The following RARB variants were observed in gnomAD, a reference collection of about 807,000 sequenced individuals.
The protein encoded by RARB is HBV-activated protein.
In RARB, 17 loss-of-function variants were observed where a neutral mutation model predicts 51.9. That is an observed-to-expected ratio of 0.33 (90% CI 0.22 to 0.49). The LOEUF is 0.49. Among genes scored for constraint, RARB ranks in the 20% least tolerant of loss-of-function variants. The pLI, the probability that RARB is intolerant of heterozygous loss-of-function variation, is 0.99. For missense variants in RARB, 369 were observed against 550.8 expected, an observed-to-expected ratio of 0.67 and a Z score of 3.30; for synonymous variants, 215 against 195.4, an observed-to-expected ratio of 1.10 and a Z score of -0.84.
chr3:25,091,953 G>T (rs1699206812), intron 3 of RARB, among the ~76,000 whole-genome samples: 1 of 152,144 alleles, frequency 6.6e-6, no homozygotes, highest in South Asian at 2.1e-4. Context: ...TCTGAGGGAT[G>T]GTGTCGGGGT....
chr3:25,559,358 A>G (rs1575518963), intron 3 of RARB, among the ~76,000 whole-genome samples: 1 of 152,240 alleles, frequency 6.6e-6, no homozygotes, highest in East Asian at 1.9e-4. Context: ...TTTTTTCCCT[A>G]TGGCCCCACA....
At chr3:25,489,473 C>T (rs1427782318) in intron 2 of RARB, among the ~76,000 whole-genome samples, 1 of 152,142 alleles carries the variant, frequency 6.6e-6, no homozygotes, top group African/African-American at 2.4e-5. Context: ...CCTTTTCCTT[C>T]TACATGGAAT....
intron 2 of RARB, among the ~76,000 whole-genome samples, chr3:25,487,326 G>C (rs1481991205): frequency 1.3e-5 from 2 of 152,148 alleles, no homozygotes; most frequent in Non-Finnish European, 2.9e-5. Context: ...GTGCGATGTG[G>C]TTTCACCTAC....
rs1434784987 is a variant in RARB at position 25,185,591 on chromosome 3, A to G, written c.178+11016A>G. Among the ~76,000 whole-genome samples, 3 of 152,160 alleles carry G rather than the reference A, an allele frequency of 2.0e-5. No individual in the cohort carries two copies. The East Asian group carries it at 5.8e-4, about 29-fold the overall frequency. On this transcript the variant is annotated intron_variant, in intron 5 of 11. Coordinates refer to the RARB transcript ENST00000383772. ...TAATGATAACCACATGGTTAAAAAG[A>G]ACTCTACACTTAAGAATATTTAGTA...
At chr3:24,930,753 A>G (rs933346799) in intron 2 of RARB, among the ~76,000 whole-genome samples, 4 of 152,216 alleles carry the variant, frequency 2.6e-5, no homozygotes, top group African/African-American at 9.6e-5. Context: ...TTGTGCCTAT[A>G]ATCCCAGCAT....
chr3:24,975,474 A>G (rs1013866068), intron 2 of RARB, among the ~76,000 whole-genome samples: 5 of 152,158 alleles, frequency 3.3e-5, no homozygotes, highest in African/African-American at 9.7e-5. Flanking sequence ...TTTTAATTCA[A>G]TGATTTAATG....
chr3:25,241,328 T>C (rs1055120678), intron 5 of RARB, among the ~76,000 whole-genome samples: 8 of 152,222 alleles, frequency 5.3e-5, no homozygotes, highest in African/African-American at 1.9e-4. Flanking sequence ...TTTTTTTAAA[T>C]TATACTTTAA....
At chr3:25,174,128 C>T (rs992586104) in exon 5 of RARB, 1 of 193,774 alleles carries the variant, frequency 5.2e-6, no homozygotes, top group Non-Finnish European at 1.1e-5. Context: ...GAATTAACAG[C>T]TCTGAAATTT....
At chr3:24,917,714 A>T (rs1222386955) in intron 2 of RARB, among the ~76,000 whole-genome samples, 1 of 152,178 alleles carries the variant, frequency 6.6e-6, no homozygotes, top group African/African-American at 2.4e-5. Context: ...TTTACTAGAG[A>T]CGGGGTTTTA....
intron 2 of RARB, among the ~76,000 whole-genome samples, chr3:25,047,991 A>G (rs550459243): frequency 1.3e-5 from 2 of 152,322 alleles, no homozygotes; most frequent in South Asian, 4.1e-4. Flanking sequence ...TGATGGTTTC[A>G]TAAATGGGAG....
intron 3 of RARB, among the ~76,000 whole-genome samples, chr3:25,514,774 ATAAAAGT>A (rs1161292875): frequency 1.3e-5 from 2 of 152,226 alleles, no homozygotes; most frequent in Non-Finnish European, 2.9e-5. Flanking sequence ...AAAGGGAAAG[ATAAAAGT>A]TGCTTCTAGT....
intron 5 of RARB, among the ~76,000 whole-genome samples, chr3:25,349,664 CAAAAA>C (rs950408372): frequency 2.0e-5 from 3 of 151,276 alleles, no homozygotes; most frequent in African/African-American, 7.3e-5. Context: ...TCTAAACAAA[CAAAAA>C]AAAATTTAAA....
intron 5 of RARB, among the ~76,000 whole-genome samples, chr3:25,177,013 C>T (rs1468258506): frequency 1.3e-5 from 2 of 152,114 alleles, no homozygotes; most frequent in East Asian, 3.9e-4. Flanking sequence ...GTAACTGCAC[C>T]TTAAAAGGTG....
chr3:24,834,488 A>G (rs913257963), intron 1 of RARB, among the ~76,000 whole-genome samples: 5 of 152,186 alleles, frequency 3.3e-5, no homozygotes, highest in African/African-American at 1.2e-4. Flanking sequence ...AGTATCATCA[A>G]TGTCAACCCC....
chr3:25,266,733 A>G (rs1177151026), intron 5 of RARB, among the ~76,000 whole-genome samples: 1 of 152,158 alleles, frequency 6.6e-6, no homozygotes, highest in African/African-American at 2.4e-5. Flanking sequence ...GACTTATCTG[A>G]TAGAACTGGT....
At chr3:25,123,910 T>A (rs1337845351) in intron 3 of RARB, among the ~76,000 whole-genome samples, 1 of 152,198 alleles carries the variant, frequency 6.6e-6, no homozygotes, top group African/African-American at 2.4e-5. Context: ...ATAGCAAGCA[T>A]CTGCTCATAT....
intron 3 of RARB, among the ~76,000 whole-genome samples, chr3:25,126,694 T>G (rs1391917754): frequency 1.3e-5 from 2 of 152,152 alleles, no homozygotes; most frequent in South Asian, 2.1e-4. Context: ...TGGCAATAAC[T>G]TTCATCTCCT....
chr3:25,389,349 G>T (rs971028989), intron 5 of RARB, among the ~76,000 whole-genome samples: 1 of 152,078 alleles, frequency 6.6e-6, no homozygotes, highest in Non-Finnish European at 1.5e-5. Flanking sequence ...GGTCCATTTT[G>T]TCACATGTTT....
chr3:24,864,114 C>T (rs538124010), intron 2 of RARB, among the ~76,000 whole-genome samples: 2 of 152,196 alleles, frequency 1.3e-5, no homozygotes, highest in South Asian at 2.1e-4. Context: ...GCTGCACTTG[C>T]ACTGAGCTTA....
Sources: allele counts gnomAD v4.1 joint callset (sites outside exome capture counted in the v4.1 genomes callset), GRCh38; gene constraint gnomAD v4.1.1; transcripts MANE v1.5; gene names NCBI Gene and HGNC (gene_info 2026-07-23, HGNC 2026-07-21).